The following MTA1 variants were observed in gnomAD, a reference collection of about 807,000 sequenced individuals.
MTA1 encodes the protein metastasis associated 1, also known as metastasis-associated protein MTA1.
MTA1 carries 15 observed loss-of-function variants against 97.0 expected under a neutral mutation model. That is an observed-to-expected ratio of 0.15 (90% confidence interval 0.10 to 0.24). MTA1 has a LOEUF of 0.24. Ranked by LOEUF, MTA1 falls within the 10% of genes least tolerant of loss-of-function variation. The pLI is 1.00. For missense variants in MTA1, 709 were observed against 1,015.1 expected (o/e 0.70, Z 4.10); for synonymous variants, 435 against 417.5 (o/e 1.04, Z -0.51).
At chr14:105,461,365 C>T (rs1388261882) in intron 10 of MTA1, among the ~76,000 whole-genome samples, 2 of 152,226 alleles carry the variant, frequency 1.3e-5, no homozygotes, top group East Asian at 1.9e-4. Context: ...TTCTGTCTCA[C>T]GTGAGTTTAG....
intron 7 of MTA1, among the ~76,000 whole-genome samples, chr14:105,456,244 A>C (rs1204334399): frequency 6.6e-6 from 1 of 152,242 alleles, no homozygotes; most frequent in Non-Finnish European, 1.5e-5. Context: ...CACAGATCAC[A>C]TGAGGGCCAG....
chr14:105,438,001 C>T (rs1348013865), intron 1 of MTA1, among the ~76,000 whole-genome samples: 2 of 152,232 alleles, frequency 1.3e-5, no homozygotes, highest in Non-Finnish European at 2.9e-5. Context: ...GCTGTACTCA[C>T]CTGATGGCCG....
chr14:105,430,318 G>A (rs2082141194), intron 1 of MTA1, among the ~76,000 whole-genome samples: 1 of 152,126 alleles, frequency 6.6e-6, no homozygotes. Flanking sequence ...GAATAGAGAG[G>A]CCCCAGGAGA....
intron 1 of MTA1, among the ~76,000 whole-genome samples, chr14:105,434,123 T>C (rs1169016267): frequency 6.6e-6 from 1 of 152,220 alleles, no homozygotes; most frequent in Non-Finnish European, 1.5e-5. Flanking sequence ...GGCCCAGTTA[T>C]TTTGATTTCA....
intron 1 of MTA1, among the ~76,000 whole-genome samples, chr14:105,423,980 C>T (rs1474822038): frequency 6.6e-6 from 1 of 152,198 alleles, no homozygotes; most frequent in Admixed American, 6.5e-5. Flanking sequence ...AGGGAAGAGC[C>T]CTGGAGACAC....
rs1555431827 is a variant in MTA1, at chr14:105,464,163, G to A, written c.1192+16G>A. ...AGCTGTTACAGTAAGTGCCCTGGATGGCCGGGGGCACACCGCACGCCCGCC... is the reference window on the plus strand; with the variant it reads ...AGCTGTTACAGTAAGTGCCCTGGATAGCCGGGGGCACACCGCACGCCCGCC... On this transcript the variant is annotated intron_variant, in intron 13 of 20. Coordinates refer to ENST00000331320, the MANE Select transcript of MTA1 (RefSeq NM_004689.4). 3.7e-6 allele frequency: 6 copies of A among 1,600,982 alleles called. No homozygotes were observed. Among genetic ancestry groups the A allele is most frequent in the Non-Finnish European group, 5.1e-6 (6 of 1,173,796 alleles).
chr14:105,432,327 G>C (rs587640245), intron 1 of MTA1, among the ~76,000 whole-genome samples: 2 of 152,056 alleles, frequency 1.3e-5, no homozygotes, highest in Non-Finnish European at 2.9e-5. Context: ...CGCAACCTCT[G>C]CCTCCTGGGT....
At chr14:105,425,451 T>C (rs2081978444) in intron 1 of MTA1, among the ~76,000 whole-genome samples, 1 of 152,086 alleles carries the variant, frequency 6.6e-6, no homozygotes, top group African/African-American at 2.4e-5. Context: ...AATTTTAAGA[T>C]TTTTTATAGA....
rs1371495126 is a variant in MTA1 at position 105,463,690 on chromosome 14, C to T, written c.1076+139C>T. ...GTTGGGGCAGCCCCCGGGAGGGCGG[C>T]CCAGGGCTGGGGGGTTCTGGCTGCA... On this transcript the variant is annotated intron_variant, in intron 12 of 20. Transcript: ENST00000331320. The surrounding 1 kb of genome is among the most constrained non-coding windows in gnomAD (Gnocchi z 5.9). 38 of 824,994 alleles carry T rather than the reference C, an allele frequency of 4.6e-5. No individual in the cohort carries two copies. Among genetic ancestry groups the T allele is most frequent in the Non-Finnish European group, 6.4e-5 (33 of 514,220 alleles). 51.1% of individuals were successfully genotyped at this position (824,994 alleles called of 1,614,324 possible).
rs1181747398 is a variant in MTA1, at chr14:105,467,199, G to A, written c.1813+457G>A. 4 of 357,064 alleles carry A rather than the reference G, an allele frequency of 1.1e-5. No homozygotes were observed. In the East Asian group the frequency reaches 2.3e-4, roughly 21 times the overall value. The allele number at this position is 357,064 out of a possible 1,614,324, so 22.1% of individuals were successfully genotyped here. ...ATGGGTGCCTTCTGTCGGAGGACTGGCTCAGGTGCTCTGTGCCGGTTGCTT... is the reference window on the plus strand; with the variant it reads ...ATGGGTGCCTTCTGTCGGAGGACTGACTCAGGTGCTCTGTGCCGGTTGCTT... On this transcript the variant is annotated intron_variant, in intron 18 of 20. Coordinates refer to ENST00000331320, the MANE Select transcript of MTA1 (RefSeq NM_004689.4).
rs188529414 is a variant in MTA1, at chr14:105,466,225, C to T, written c.1625-201C>T. 1.7e-4 allele frequency: 100 copies of T among 600,464 alleles called. 1 individual carries two copies. The highest frequency in any genetic ancestry group is 1.6e-3 in the African/African-American group (87 of 53,680). 37.2% of individuals were successfully genotyped at this position (600,464 alleles called of 1,614,324 possible). A position where few individuals can be genotyped will look rare whatever the true frequency, so the allele number is the denominator to read the frequency against. On this transcript the variant is annotated intron_variant, in intron 16 of 20. Coordinates refer to ENST00000331320, the MANE Select transcript of MTA1 (RefSeq NM_004689.4). The stretch of plus-strand genomic sequence containing the variant: ...GGGGTGCGGGACTGGCCCGGGCACA[C>T]GCCTTGCCGAGGGCTTCTGGGCTTC...
intron 1 of MTA1, among the ~76,000 whole-genome samples, chr14:105,423,655 G>A (rs1463295977): frequency 6.6e-6 from 1 of 152,256 alleles, no homozygotes; most frequent in Non-Finnish European, 1.5e-5. Flanking sequence ...CCCGGTCTCT[G>A]GCGCAGCCTG....
intron 18 of MTA1, among the ~76,000 whole-genome samples, chr14:105,468,505 GA>G (rs2083690827): frequency 1.3e-5 from 2 of 152,232 alleles, no homozygotes; most frequent in Non-Finnish European, 2.9e-5. Context: ...AACTGGCAGG[GA>G]AAGGCTGACC....
chr14:105,464,023 CTCTT>C lies in MTA1; in HGVS notation c.1077-7_1077-4del, dbSNP rs1567042594. On this transcript the variant is annotated splice_region_variant and splice_polypyrimidine_tract_variant and intron_variant, in intron 12 of 20. Coordinates refer to ENST00000331320, the MANE Select transcript of MTA1 (RefSeq NM_004689.4). ...GCAACTCCTCTCGTCTCTCCTTTCC[CTCTT>C]TAAGTAACAAGCCAAATCCGAACCA... 10 of 1,612,268 alleles carry C rather than the reference CTCTT, an allele frequency of 6.2e-6. No individual in the cohort carries two copies. Among genetic ancestry groups the C allele is most frequent in the Non-Finnish European group, 5.9e-6 (7 of 1,179,638 alleles).
At chr14:105,468,161 G>A in intron 18 of MTA1, 1 of 474,070 alleles carries the variant, frequency 2.1e-6, no homozygotes, top group South Asian at 1.7e-5. Context: ...GTAGGCATGA[G>A]CTGAGCTCGA....
intron 2 of MTA1, among the ~76,000 whole-genome samples, chr14:105,440,256 T>TTG (rs2082464608): frequency 6.6e-6 from 1 of 152,264 alleles, no homozygotes; most frequent in Non-Finnish European, 1.5e-5. Context: ...GGCAGCACTT[T>TTG]ACGCATCCCA....
At chr14:105,423,203 T>C (rs1408521614) in intron 1 of MTA1, among the ~76,000 whole-genome samples, 1 of 151,586 alleles carries the variant, frequency 6.6e-6, no homozygotes, top group Non-Finnish European at 1.5e-5. Flanking sequence ...TCTTTTGGAT[T>C]TTTTTTGTTT....
rs1423836314 is a variant in MTA1, at chr14:105,424,359, A to C, written c.28+4296A>C. Among the ~76,000 whole-genome samples, 1 of 151,398 alleles carries C rather than the reference A, an allele frequency of 6.6e-6. No individual in the cohort carries two copies. Among genetic ancestry groups the C allele is most frequent in the Admixed American group, 6.6e-5 (1 of 15,212 alleles). The stretch of plus-strand genomic sequence containing the variant: ...CAGGCGCCCGCCACCATGCCTGGCT[A>C]ATGTTTTGTAATTTTTTTTTTTTTG... On this transcript the variant is annotated intron_variant, in intron 1 of 20. Coordinates refer to ENST00000331320, the MANE Select transcript of MTA1 (RefSeq NM_004689.4). This position sits in a 1 kb window ranked among gnomAD's most constrained non-coding sequence, Gnocchi z 4.0.
intron 1 of MTA1, among the ~76,000 whole-genome samples, chr14:105,436,579 G>C (rs587683199): frequency 6.6e-6 from 1 of 152,074 alleles, no homozygotes; most frequent in African/African-American, 2.4e-5. Flanking sequence ...CGCAGCCGTC[G>C]TGCCTGCCAC....
Sources: gnomAD v4.1 joint callset for allele counts (sites outside exome capture counted in the v4.1 genomes callset) on GRCh38, gnomAD v4.1.1 for gene constraint, Gnocchi (gnomAD v3.1) non-coding constraint, MANE v1.5 for transcripts, NCBI Gene and HGNC (gene_info 2026-07-23, HGNC 2026-07-21) for gene names.